MYO1D: variants seen among roughly 807,000 people sequenced by gnomAD.
MYO1D encodes myosin ID, also known as unconventional myosin-Id.
Under a neutral mutation model 122.0 loss-of-function variants are expected in MYO1D, and 83 were observed. The observed-to-expected ratio is 0.68, with a 90% CI of 0.57 to 0.82. MYO1D has a LOEUF of 0.82. Among genes scored for constraint, MYO1D ranks in the 40% least tolerant of loss-of-function variants. The pLI is 0.00. For missense variants in MYO1D, 1,157 were observed against 1,269.5 expected, an observed-to-expected ratio of 0.91 and a Z score of 1.35; for synonymous variants, 464 against 446.9, an observed-to-expected ratio of 1.04 and a Z score of -0.48.
intron 2 of MYO1D, among the ~76,000 whole-genome samples, chr17:32,779,951 G>C (rs988084731): frequency 1.3e-5 from 2 of 152,162 alleles, no homozygotes; most frequent in African/African-American, 2.4e-5. Flanking sequence ...ATTTGGGAGA[G>C]GCCATCCTGG....
intron 20 of MYO1D, among the ~76,000 whole-genome samples, chr17:32,625,657 G>A (rs758201655): frequency 1.3e-5 from 2 of 151,672 alleles, no homozygotes; most frequent in Non-Finnish European, 2.9e-5. Context: ...TCAAGCAATT[G>A]TCCTTCCTCA....
intron 14 of MYO1D, among the ~76,000 whole-genome samples, chr17:32,733,008 C>T (rs973641840): frequency 2.6e-5 from 4 of 152,312 alleles, no homozygotes; most frequent in South Asian, 4.1e-4. Flanking sequence ...GTGTCTGTGC[C>T]GGCACCTGGA....
rs1363296259 is a variant in MYO1D, at chr17:32,767,677, T to C, written c.790A>G (p.Ile264Val). 10 of 1,613,666 alleles carry C rather than the reference T, an allele frequency of 6.2e-6. No homozygotes were observed. In the Middle Eastern group the frequency reaches 6.6e-4, roughly 106 times the overall value. ...MKVIGFKPEE[I>V]QTVYKILAAI... ...GCCAAAATCTTATACACTGTTTGGA[T>C]CTCCTCAGGTTTGAAGCCAATGACT... Residue 264 changes from isoleucine (I) to valine (V), a missense_variant, in exon 7 of 22, where the codon ATC (isoleucine) becomes GTC (valine). By Grantham distance (29) the Ile-to-Val change is conservative. Transcript: ENST00000318217.
chr17:32,625,267 GATAA>G (rs1308707479), intron 20 of MYO1D, among the ~76,000 whole-genome samples: 1 of 151,726 alleles, frequency 6.6e-6, no homozygotes, highest in Non-Finnish European at 1.5e-5. Flanking sequence ...GACTTAAATA[GATAA>G]ATAAAGAAAA....
rs375598084 is a variant in MYO1D at position 32,817,289 on chromosome 17, ATGAAGAC to A, written c.96-36512_96-36506del. On this transcript the variant is annotated intron_variant, in intron 1 of 21. Coordinates refer to ENST00000318217, the MANE Select transcript of MYO1D (RefSeq NM_015194.3). ...AAATTTTATGCATTTCTAAAAAGAT[ATGAAGAC>A]TGAAGACTGAAGACTGAAGCTTCTT... Among the ~76,000 whole-genome samples the A allele has an allele frequency of 3.2e-3, 486 of 152,338 alleles. 4 individuals carry two copies. Among genetic ancestry groups the A allele is most frequent in the African/African-American group, 9.1e-3 (379 of 41,574 alleles).
At chr17:32,652,008 T>C (rs2088397864) in intron 19 of MYO1D, among the ~76,000 whole-genome samples, 2 of 152,178 alleles carry the variant, frequency 1.3e-5, no homozygotes. Flanking sequence ...TATATTACTG[T>C]GTACATACAC....
chr17:32,757,865 T>C lies in MYO1D; in HGVS notation c.1297-2203A>G, dbSNP rs545518923. Among the ~76,000 whole-genome samples the C allele has an allele frequency of 5.9e-5, 9 of 152,304 alleles. No homozygotes were observed. In the South Asian group the frequency reaches 1.4e-3, roughly 25 times the overall value. On this transcript the variant is annotated intron_variant, in intron 10 of 21. Coordinates refer to ENST00000318217, the MANE Select transcript of MYO1D (RefSeq NM_015194.3). ...GGGATACCAGGAGCCAGAAGACTTG[T>C]GATGGGGTAGCTTAGGGACATGGGG... is the stretch of plus-strand genomic sequence containing the variant.
intron 16 of MYO1D, among the ~76,000 whole-genome samples, chr17:32,666,599 A>G (rs2088638309): frequency 6.6e-6 from 1 of 152,190 alleles, no homozygotes. Context: ...AAAAAGTAGG[A>G]TTCTAGGTTG....
chr17:32,536,023 CTT>C (rs904746874), intron 21 of MYO1D, among the ~76,000 whole-genome samples: 1 of 151,950 alleles, frequency 6.6e-6, no homozygotes, highest in Non-Finnish European at 1.5e-5. Flanking sequence ...GATACAGACT[CTT>C]TTTTTTGTTT....
chr17:32,692,803 G>A (rs986752976), intron 16 of MYO1D, among the ~76,000 whole-genome samples: 25 of 152,134 alleles, frequency 1.6e-4, no homozygotes, highest in African/African-American at 6.0e-4. Context: ...GAGCTTCCTG[G>A]CATCTACAGC....
At chr17:32,669,002 G>A (rs766975855) in intron 16 of MYO1D, among the ~76,000 whole-genome samples, 15 of 151,980 alleles carry the variant, frequency 9.9e-5, no homozygotes, top group African/African-American at 2.9e-4. Context: ...GCGCCTGGCC[G>A]AAGCTCTGAG....
intron 14 of MYO1D, among the ~76,000 whole-genome samples, chr17:32,730,629 C>T (rs2089627337): frequency 6.6e-6 from 1 of 152,138 alleles, no homozygotes; most frequent in Non-Finnish European, 1.5e-5. Flanking sequence ...TTCTCTCAGC[C>T]TAATTGTCAT....
intron 1 of MYO1D, among the ~76,000 whole-genome samples, chr17:32,792,050 G>A (rs1442200753): frequency 6.6e-6 from 1 of 152,136 alleles, no homozygotes; most frequent in Non-Finnish European, 1.5e-5. Flanking sequence ...TGGCTTCATA[G>A]TATTCCATTT....
At chr17:32,807,095 A>G (rs534236675) in intron 1 of MYO1D, among the ~76,000 whole-genome samples, 6 of 152,332 alleles carry the variant, frequency 3.9e-5, no homozygotes, top group Admixed American at 1.3e-4. Context: ...ACTTGAATTT[A>G]TTTTCATGGA....
chr17:32,740,180 G>T (rs2089756737), intron 13 of MYO1D, among the ~76,000 whole-genome samples: 1 of 152,134 alleles, frequency 6.6e-6, no homozygotes, highest in African/African-American at 2.4e-5. Context: ...AACATTTACT[G>T]AATAGAATTT....
intron 10 of MYO1D, among the ~76,000 whole-genome samples, chr17:32,759,655 A>G (rs2089980638): frequency 6.6e-6 from 1 of 152,114 alleles, no homozygotes; most frequent in Non-Finnish European, 1.5e-5. Context: ...AAACCAAACA[A>G]GTCATGCCTT....
intron 21 of MYO1D, among the ~76,000 whole-genome samples, chr17:32,539,326 G>C (rs1336845285): frequency 1.4e-5 from 2 of 141,426 alleles, no homozygotes; most frequent in South Asian, 2.3e-4. Context: ...CACACACACA[G>C]AGCAGCATGT....
At chr17:32,655,749 G>A (rs2088467980) in intron 17 of MYO1D, among the ~76,000 whole-genome samples, 2 of 152,258 alleles carry the variant, frequency 1.3e-5, no homozygotes. Context: ...CGGAAGGTTT[G>A]GAACAAAGAT....
At chr17:32,521,791 T>TA (rs1264493055) in intron 21 of MYO1D, among the ~76,000 whole-genome samples, 3 of 150,600 alleles carry the variant, frequency 2.0e-5, no homozygotes, top group South Asian at 2.1e-4. Context: ...CTACTAAAAA[T>TA]AAAAAAATTA....
Sources: allele counts gnomAD v4.1 joint callset (sites outside exome capture counted in the v4.1 genomes callset), GRCh38; gene constraint gnomAD v4.1.1; transcripts MANE v1.5; gene names NCBI Gene and HGNC (gene_info 2026-07-23, HGNC 2026-07-21).